CEP350: variants seen among roughly 807,000 people sequenced by gnomAD.
The protein encoded by CEP350 is centrosomal protein 350.
CEP350 carries 126 observed loss-of-function variants against 331.8 expected under a neutral mutation model. The observed-to-expected ratio is 0.38, with a 90% CI of 0.33 to 0.44. The LOEUF (loss-of-function observed/expected upper bound fraction) is 0.44, where lower values mean the gene tolerates loss of function less well. CEP350 is among the 20% of genes least tolerant of loss of function. The probability of loss-of-function intolerance (pLI) is 1.00; values close to 1 mark genes in which losing one functional copy is unlikely to be tolerated. For synonymous variants in CEP350, 1,200 were observed against 1,259.5 expected (o/e 0.95, Z 1.00); for missense variants, 3,406 against 3,634.6 (o/e 0.94, Z 1.62).
At chr1:180,068,846 A>G (rs992561468) in intron 27 of CEP350, among the ~76,000 whole-genome samples, 4 of 152,228 alleles carry the variant, frequency 2.6e-5, no homozygotes, top group African/African-American at 4.8e-5. Flanking sequence ...AGAAAAAAGA[A>G]TGAGGACAGC....
intron 19 of CEP350, 38 bp from the exon 20 acceptor site, chr1:180,043,018 T>G: frequency 6.3e-7 from 1 of 1,593,026 alleles, no homozygotes; most frequent in South Asian, 1.1e-5. Flanking sequence ...ACCTTACGTT[T>G]TAATACATTT....
intron 9 of CEP350, among the ~76,000 whole-genome samples, chr1:180,012,525 G>T (rs926238932): frequency 1.3e-5 from 2 of 152,146 alleles, no homozygotes; most frequent in Admixed American, 1.3e-4. Flanking sequence ...TGTCAGATTT[G>T]GTGGCAGAAC....
intron 32 of CEP350, among the ~76,000 whole-genome samples, chr1:180,089,582 CAA>C (rs71660691): frequency 0.13 from 11,504 of 86,046 alleles, 561 homozygotes; most frequent in Middle Eastern, 0.22. Context: ...GACTCCATCT[CAA>C]AAAAAAAAAA....
chr1:180,028,990 C>T (rs576936120), intron 14 of CEP350, among the ~76,000 whole-genome samples: 1 of 152,250 alleles, frequency 6.6e-6, no homozygotes, highest in African/African-American at 2.4e-5. Flanking sequence ...TCCACAGCAT[C>T]TTCTTAAACT....
Position 180,113,149 on chromosome 1 carries a change from T to C in CEP350, c.*1988T>C, listed in dbSNP as rs1661537152. The C allele has an allele frequency of 1.3e-5, 2 of 152,612 alleles. No homozygotes were observed. The highest frequency in any genetic ancestry group is 4.8e-5 in the African/African-American group (2 of 41,432). 9.5% of individuals were successfully genotyped at this position (152,612 alleles called of 1,614,324 possible). A position where few individuals can be genotyped will look rare whatever the true frequency, so the allele number is the denominator to read the frequency against. ...AAAAGCAAAGGCTTTTCTTTTCAGTTTGTGTTATTTGGAAGACAGAAAAAC... is the reference window on the plus strand; with the variant it reads ...AAAAGCAAAGGCTTTTCTTTTCAGTCTGTGTTATTTGGAAGACAGAAAAAC... On this transcript the variant is annotated 3_prime_UTR_variant, in exon 38 of 38. Coordinates refer to ENST00000367607, the MANE Select transcript of CEP350 (RefSeq NM_014810.5).
At chr1:180,097,368 A>G (rs1660541992) in intron 36 of CEP350, among the ~76,000 whole-genome samples, 2 of 152,230 alleles carry the variant, frequency 1.3e-5, no homozygotes, top group South Asian at 4.1e-4. Context: ...TAAAGTAACT[A>G]GCTTTTTAAA....
chr1:180,038,084 A>G (rs1656494686), intron 17 of CEP350, among the ~76,000 whole-genome samples: 1 of 152,210 alleles, frequency 6.6e-6, no homozygotes, highest in African/African-American at 2.4e-5. Context: ...AAAGGCAATT[A>G]CTGTTCTGAT....
chr1:180,003,693 AG>A (rs1478596904), intron 7 of CEP350, among the ~76,000 whole-genome samples: 1 of 152,186 alleles, frequency 6.6e-6, no homozygotes, highest in African/African-American at 2.4e-5. Context: ...TATTATAGGA[AG>A]GGAATAAGTT....
At chr1:180,066,895 A>G (rs1350619534) in intron 27 of CEP350, among the ~76,000 whole-genome samples, 1 of 151,990 alleles carries the variant, frequency 6.6e-6, no homozygotes, top group East Asian at 1.9e-4. Flanking sequence ...GATCTGCTAC[A>G]AATGTCTTTG....
intron 17 of CEP350, among the ~76,000 whole-genome samples, chr1:180,038,572 A>C (rs1396152752): frequency 1.3e-5 from 2 of 152,148 alleles, no homozygotes; most frequent in African/African-American, 4.8e-5. Flanking sequence ...TATTTCAGTC[A>C]TTCTATTGAG....
chr1:180,007,484 C>G (rs559195206), intron 8 of CEP350, among the ~76,000 whole-genome samples: 2 of 151,938 alleles, frequency 1.3e-5, no homozygotes, highest in Admixed American at 1.3e-4. Flanking sequence ...GTTTAAGTTC[C>G]TTGTAGATTC....
At chr1:180,022,933 T>C (rs1386086518) in intron 13 of CEP350, 85 bp downstream of exon 13, 13 of 1,331,172 alleles carry the variant, frequency 9.8e-6, no homozygotes, top group Non-Finnish European at 1.3e-5. Flanking sequence ...ATTAGCCAAG[T>C]TTTGCTCATT....
At chr1:180,082,426 C>T (rs534241267) in intron 30 of CEP350, among the ~76,000 whole-genome samples, 3 of 152,128 alleles carry the variant, frequency 2.0e-5, no homozygotes, top group East Asian at 1.9e-4. Flanking sequence ...CAGAAACTCC[C>T]GCCTCAGCCT....
At chr1:180,003,141 A>G (rs747472292) in intron 6 of CEP350, 33 bp from the exon 7 acceptor site, 1 of 1,375,284 alleles carries the variant, frequency 7.3e-7, no homozygotes, top group Non-Finnish European at 1.0e-6. Context: ...AGCAACTTTG[A>G]TAAGAATATT....
intron 30 of CEP350, among the ~76,000 whole-genome samples, chr1:180,082,374 G>A (rs1010128215): frequency 6.6e-6 from 1 of 152,216 alleles, no homozygotes; most frequent in African/African-American, 2.4e-5. Flanking sequence ...TGATGGGAGA[G>A]TTTATCAACC....
intron 24 of CEP350, 74 bp from the exon 25 acceptor site, chr1:180,054,341 C>A: frequency 1.6e-6 from 2 of 1,251,928 alleles, no homozygotes; most frequent in South Asian, 2.6e-5. Context: ...TTTTAGTAGT[C>A]AAGAATTCTT....
Position 180,062,289 on chromosome 1 carries a change from C to T in CEP350, c.5332C>T (p.Gln1778Ter). Residue 1778 changes from glutamine to a stop codon, truncating the protein, a stop_gained, in exon 26 of 38, where the codon CAG becomes TAG. Transcript: ENST00000367607. LOFTEE classifies it high-confidence loss of function. ...GGAAAGACAGCTGATTCTTAAACAGCAGGAGGAGATAGAAAAGATCCGACA... is the reference window on the plus strand; with the variant it reads ...GGAAAGACAGCTGATTCTTAAACAGTAGGAGGAGATAGAAAAGATCCGACA... Reference protein sequence around the residue: ...RKERQLILKQQEEIEKIRQTT... With the variant: ...RKERQLILKQ The T allele has an allele frequency of 6.2e-7, 1 of 1,610,596 alleles. No homozygotes were observed. The highest frequency in any genetic ancestry group is 1.1e-5 in the South Asian group (1 of 90,368).
At chr1:180,032,851 C>T (rs977360956) in intron 15 of CEP350, among the ~76,000 whole-genome samples, 3 of 151,942 alleles carry the variant, frequency 2.0e-5, no homozygotes, top group Non-Finnish European at 4.4e-5. Flanking sequence ...AATTATTTAA[C>T]AGAAATCTGT....
intron 27 of CEP350, among the ~76,000 whole-genome samples, chr1:180,071,792 G>C (rs1335837060): frequency 7.2e-6 from 1 of 139,756 alleles, no homozygotes; most frequent in African/African-American, 2.6e-5. Flanking sequence ...AAAAAAAAAA[G>C]AGCGAATTAA....
Sources: allele counts gnomAD v4.1 joint callset (sites outside exome capture counted in the v4.1 genomes callset), GRCh38; gene constraint gnomAD v4.1.1; transcripts MANE v1.5; gene names NCBI Gene and HGNC (gene_info 2026-07-23, HGNC 2026-07-21).